EDARADD: variants seen among roughly 807,000 people sequenced by gnomAD.
The protein encoded by EDARADD is ectodysplasin-A receptor-associated adapter protein.
Under a neutral mutation model 25.6 loss-of-function variants are expected in EDARADD, and 20 were observed. The ratio of observed to expected loss-of-function variants is 0.78; its 90% CI spans 0.55 to 1.14. EDARADD has a LOEUF of 1.14. EDARADD is among the 50% of genes most tolerant of loss of function. The probability of loss-of-function intolerance (pLI) is 0.00; values close to 1 mark genes in which losing one functional copy is unlikely to be tolerated. For missense variants in EDARADD, 225 were observed against 270.1 expected (o/e 0.83, Z 1.17); for synonymous variants, 86 against 94.4 (o/e 0.91, Z 0.52).
In EDARADD at chr1:236,403,619, G is replaced by T. The variant is rs541808391; in HGVS notation, c.62-5597G>T. Among the ~76,000 whole-genome samples, 6 of 152,332 alleles carry T rather than the reference G, an allele frequency of 3.9e-5. No individual in the cohort carries two copies. The East Asian group carries it at 1.2e-3, about 29-fold the overall frequency. On this transcript the variant is annotated intron_variant, in intron 1 of 5. Transcript: ENST00000334232. ...TTGAAAGTTTAATTGTGAACTTTCA[G>T]CTTGGAGGTGCTCTTTGACCCATGT...
At chr1:236,394,694 CTATT>C (rs1234865549) in intron 1 of EDARADD, among the ~76,000 whole-genome samples, 189 bp downstream of exon 1, 1 of 152,158 alleles carries the variant, frequency 6.6e-6, no homozygotes. Context: ...TCAAAGATTC[CTATT>C]TAATTTAAAA....
chr1:236,429,383 T>G (rs1658034728), intron 4 of EDARADD, among the ~76,000 whole-genome samples: 1 of 151,124 alleles, frequency 6.6e-6, no homozygotes. Context: ...CTTTATTTAT[T>G]TATTTATTTT....
chr1:236,441,825 C>G, intron 4 of EDARADD, among the ~76,000 whole-genome samples: 1 of 152,216 alleles, frequency 6.6e-6, no homozygotes, highest in Middle Eastern at 3.4e-3. Flanking sequence ...TCACCGCACC[C>G]GGCCTCCTAA....
chr1:236,405,778 TTTC>T (rs1318537949), intron 1 of EDARADD, among the ~76,000 whole-genome samples: 4 of 43,116 alleles, frequency 9.3e-5, no homozygotes, highest in Admixed American at 2.5e-4. Flanking sequence ...TCTTTCTTTC[TTTC>T]TTTCTTTCTT....
intron 3 of EDARADD, among the ~76,000 whole-genome samples, chr1:236,419,052 A>G (rs1281232663): frequency 6.6e-6 from 1 of 152,174 alleles, no homozygotes; most frequent in Non-Finnish European, 1.5e-5. Context: ...GCATAAGAGG[A>G]TAGAGGGGAC....
At chr1:236,409,157 T>G in intron 1 of EDARADD, 59 bp from the exon 2 acceptor site, 1 of 1,285,694 alleles carries the variant, frequency 7.8e-7, no homozygotes, top group Non-Finnish European at 1.1e-6. Flanking sequence ...AAAGGACTCA[T>G]TTGTGGTTTT....
At position 236,484,911 on chromosome 1, in the gene EDARADD, A is replaced by G. The variant is rs1659791007; in HGVS notation, c.*2262A>G. 6.3e-6 allele frequency: 1 copy of G among 158,896 alleles called. No homozygotes were observed. The highest frequency in any genetic ancestry group is 1.4e-5 in the Non-Finnish European group (1 of 72,116). 9.8% of individuals were successfully genotyped at this position (158,896 alleles called of 1,614,324 possible). ...GCCTCATTGACCCATGAGAAAAAAG[A>G]AAACAGCAATGAGAAGTGACCCTGT... On this transcript the variant is annotated 3_prime_UTR_variant, in exon 6 of 6. Coordinates refer to ENST00000334232, the MANE Select transcript of EDARADD (RefSeq NM_145861.4). This position sits in a 1 kb window ranked among gnomAD's most constrained non-coding sequence, Gnocchi z 4.1.
chr1:236,479,601 T>C (rs1012818040), intron 5 of EDARADD, among the ~76,000 whole-genome samples: 2 of 145,658 alleles, frequency 1.4e-5, no homozygotes, highest in African/African-American at 4.9e-5. Flanking sequence ...TTTTGCTGTA[T>C]CTGTCCAGTT....
chr1:236,453,270 CT>C (rs377161505), intron 4 of EDARADD, among the ~76,000 whole-genome samples: 3,312 of 143,218 alleles, frequency 0.023, 124 homozygotes, highest in African/African-American at 0.079. Flanking sequence ...CCTTGAGATT[CT>C]TTTTTTCTTT....
At chr1:236,474,190 A>C (rs1024519108) in intron 5 of EDARADD, among the ~76,000 whole-genome samples, 15 of 152,168 alleles carry the variant, frequency 9.9e-5, no homozygotes, top group African/African-American at 3.4e-4. Flanking sequence ...TCAAGGACTC[A>C]GGGCAGGGCT....
chr1:236,433,458 C>A (rs939007446), intron 4 of EDARADD, among the ~76,000 whole-genome samples: 5 of 151,604 alleles, frequency 3.3e-5, no homozygotes, highest in Admixed American at 1.3e-4. Flanking sequence ...TCACAGGCAC[C>A]CACCACCACA....
At chr1:236,472,490 T>C (rs586726) in intron 5 of EDARADD, among the ~76,000 whole-genome samples, 73,027 of 151,856 alleles carry the variant, frequency 0.48, 18,273 homozygotes, top group African/African-American at 0.62. Context: ...TGGAGGCGTC[T>C]ATCCTATGGC....
intron 3 of EDARADD, among the ~76,000 whole-genome samples, chr1:236,383,386 CAAA>C (rs35085475): frequency 2.5e-4 from 35 of 139,478 alleles, no homozygotes; most frequent in Non-Finnish European, 3.2e-4. Context: ...GACTCCGTCT[CAAA>C]AAAAAAAAAA....
At chr1:236,467,223 C>T (rs1034204009) in intron 4 of EDARADD, among the ~76,000 whole-genome samples, 2 of 149,160 alleles carry the variant, frequency 1.3e-5, no homozygotes, top group Non-Finnish European at 3.0e-5. Context: ...ATCTGAGACC[C>T]GCATTGGCAC....
intron 4 of EDARADD, among the ~76,000 whole-genome samples, chr1:236,461,215 C>G (rs1659029258): frequency 6.6e-6 from 1 of 152,170 alleles, no homozygotes; most frequent in Non-Finnish European, 1.5e-5. Flanking sequence ...AGGCCAGGTA[C>G]TGAAATATTT....
rs71963407 is a variant in EDARADD at position 236,353,698 on chromosome 1, A to AAG, written c.-6+2859_-6+2860insAG. Among the ~76,000 whole-genome samples the AAG allele has an allele frequency of 1.2e-3, 169 of 144,982 alleles. 4 individuals are homozygous for AAG. The highest frequency in any genetic ancestry group is 5.4e-3 in the South Asian group (24 of 4,474). The stretch of plus-strand genomic sequence containing the variant: ...AACTCCAAAAAAAAAAAAAAAAAAA[A>AAG]GATATTGGACTAAGGTTGGTGTTTA... On this transcript the variant is annotated intron_variant, in intron 3 of 7. Coordinates refer to the EDARADD transcript ENST00000439430.
At chr1:236,445,999 G>A (rs544739639) in intron 4 of EDARADD, among the ~76,000 whole-genome samples, 65 of 152,266 alleles carry the variant, frequency 4.3e-4, no homozygotes, top group Middle Eastern at 3.4e-3. Context: ...GTCAATTGTC[G>A]GAGAGTGAGA....
intron 3 of EDARADD, among the ~76,000 whole-genome samples, chr1:236,366,216 T>G (rs1448227983): frequency 6.6e-6 from 1 of 152,216 alleles, no homozygotes; most frequent in Non-Finnish European, 1.5e-5. Flanking sequence ...ATTTTTATAT[T>G]CCTATAAATC....
chr1:236,472,846 T>C (rs585298), intron 5 of EDARADD, among the ~76,000 whole-genome samples: 99,348 of 151,930 alleles, frequency 0.65, 32,768 homozygotes, highest in African/African-American at 0.67. Context: ...CACATCTGCA[T>C]GGGGTTAGCT....
Sources: gnomAD v4.1 joint callset for allele counts (sites outside exome capture counted in the v4.1 genomes callset) on GRCh38, gnomAD v4.1.1 for gene constraint, Gnocchi (gnomAD v3.1) non-coding constraint, MANE v1.5 for transcripts, NCBI Gene and HGNC (gene_info 2026-07-23, HGNC 2026-07-21) for gene names.